The following GALNT13 variants were observed in gnomAD, a reference collection of about 807,000 sequenced individuals.
GALNT13 encodes the protein polypeptide N-acetylgalactosaminyltransferase 13.
A neutral mutation model predicts 64.2 loss-of-function variants in GALNT13; 28 were observed. The ratio of observed to expected loss-of-function variants is 0.44; its 90% CI spans 0.32 to 0.60. The LOEUF is 0.60. GALNT13 is among the 20% of genes least tolerant of loss of function. The pLI is 0.05. For synonymous variants in GALNT13, 214 were observed against 224.6 expected, an observed-to-expected ratio of 0.95 and a Z score of 0.42; for missense variants, 577 against 669.8, an observed-to-expected ratio of 0.86 and a Z score of 1.53.
intron 8 of GALNT13, among the ~76,000 whole-genome samples, chr2:154,282,755 T>C (rs1365480130): frequency 4.6e-5 from 7 of 152,200 alleles, no homozygotes; most frequent in Non-Finnish European, 8.8e-5. Flanking sequence ...TCAGGTGTGC[T>C]GAATCTCCCT....
At chr2:153,920,731 C>T (rs1278300769) in intron 2 of GALNT13, among the ~76,000 whole-genome samples, 1 of 152,060 alleles carries the variant, frequency 6.6e-6, no homozygotes, top group Admixed American at 6.6e-5. Context: ...GCAAGCTATG[C>T]ATCGAACAAA....
intron 3 of GALNT13, among the ~76,000 whole-genome samples, chr2:154,087,664 G>T (rs1488864978): frequency 1.3e-5 from 2 of 152,030 alleles, no homozygotes. Context: ...GAGAAAAATA[G>T]TATAAAATCA....
chr2:154,285,510 T>C (rs111517068), intron 8 of GALNT13, among the ~76,000 whole-genome samples: 2,920 of 152,232 alleles, frequency 0.019, 70 homozygotes, highest in African/African-American at 0.059. Flanking sequence ...GCCACCTCTG[T>C]TGAAAATCAA....
the GALNT13 span, among the ~76,000 whole-genome samples, chr2:153,793,995 C>T: frequency 8.5e-5 from 13 of 152,156 alleles, no homozygotes; most frequent in South Asian, 4.1e-4. Context: ...CCTCTTAGGG[C>T]GGACTACTTT....
At chr2:153,797,680 G>A in the GALNT13 span, among the ~76,000 whole-genome samples, 1 of 152,148 alleles carries the variant, frequency 6.6e-6, no homozygotes, top group African/African-American at 2.4e-5. Context: ...TGTGATGAGA[G>A]GCTGGTACTC....
the GALNT13 span, among the ~76,000 whole-genome samples, chr2:153,282,155 C>T: frequency 2.5e-3 from 376 of 151,890 alleles, 1 homozygote; most frequent in Middle Eastern, 0.014. Flanking sequence ...ATTCTTTCTT[C>T]TGCATGGTTC....
chr2:154,085,604 C>T (rs1193030385), intron 3 of GALNT13, among the ~76,000 whole-genome samples: 1 of 152,030 alleles, frequency 6.6e-6, no homozygotes, highest in African/African-American at 2.4e-5. Flanking sequence ...AATTGAATTT[C>T]AGGCAGGTTA....
At chr2:153,980,375 C>T (rs937302083) in intron 3 of GALNT13, among the ~76,000 whole-genome samples, 28 of 151,994 alleles carry the variant, frequency 1.8e-4, no homozygotes, top group African/African-American at 6.0e-4. Flanking sequence ...GAAGGAAGAC[C>T]CGTTAGGAGA....
At chr2:154,164,270 C>G (rs1001149370) in intron 4 of GALNT13, among the ~76,000 whole-genome samples, 1 of 151,998 alleles carries the variant, frequency 6.6e-6, no homozygotes, top group Non-Finnish European at 1.5e-5. Context: ...GGGTAAATTA[C>G]CATATAGATG....
the GALNT13 span, among the ~76,000 whole-genome samples, chr2:153,630,319 TA>T: frequency 1.3e-5 from 2 of 151,728 alleles, no homozygotes; most frequent in Non-Finnish European, 2.9e-5. Flanking sequence ...TATGCAGCCA[TA>T]AAAAATGATG....
chr2:153,666,156 C>T, the GALNT13 span, among the ~76,000 whole-genome samples: 4 of 152,072 alleles, frequency 2.6e-5, no homozygotes, highest in Non-Finnish European at 5.9e-5. Context: ...TTCTATAACT[C>T]CTTTATCAGC....
chr2:153,610,614 G>T, the GALNT13 span, among the ~76,000 whole-genome samples: 2 of 152,134 alleles, frequency 1.3e-5, no homozygotes, highest in Non-Finnish European at 2.9e-5. Flanking sequence ...GCTGGAGGTT[G>T]CAGTGAGCCA....
At chr2:153,365,095 A>G in the GALNT13 span, among the ~76,000 whole-genome samples, 3 of 152,208 alleles carry the variant, frequency 2.0e-5, no homozygotes, top group Admixed American at 2.0e-4. Flanking sequence ...CCACACATCT[A>G]CAACCATCTG....
chr2:154,194,598 C>T (rs1559017485), intron 4 of GALNT13, among the ~76,000 whole-genome samples: 1 of 152,058 alleles, frequency 6.6e-6, no homozygotes, highest in Non-Finnish European at 1.5e-5. Flanking sequence ...TTCCACTGCC[C>T]CTTTAGAGCA....
intron 2 of GALNT13, among the ~76,000 whole-genome samples, chr2:153,904,683 T>C (rs990074960): frequency 6.6e-6 from 1 of 151,896 alleles, no homozygotes; most frequent in Admixed American, 6.6e-5. Flanking sequence ...TTACACTAGA[T>C]TAAGAGCCTC....
the GALNT13 span, among the ~76,000 whole-genome samples, chr2:153,422,727 T>A: frequency 6.6e-6 from 1 of 152,004 alleles, no homozygotes; most frequent in African/African-American, 2.4e-5. Flanking sequence ...ATATATTTTT[T>A]AAGAAAAAAA....
the GALNT13 span, among the ~76,000 whole-genome samples, chr2:153,578,058 G>C: frequency 2.4e-4 from 36 of 152,066 alleles, no homozygotes; most frequent in Admixed American, 5.2e-4. Context: ...TGTGTCTTCA[G>C]AATCTTTTTT....
chr2:153,585,255 G>A, the GALNT13 span, among the ~76,000 whole-genome samples: 1 of 152,098 alleles, frequency 6.6e-6, no homozygotes, highest in Admixed American at 6.6e-5. Context: ...GAAATTCTGA[G>A]ACAGAAAAAT....
the GALNT13 span, among the ~76,000 whole-genome samples, chr2:153,634,257 T>G: frequency 6.6e-6 from 1 of 152,164 alleles, no homozygotes; most frequent in African/African-American, 2.4e-5. Context: ...TTAACCAAAT[T>G]AGAACTCTTA....
Sources: allele counts gnomAD v4.1 joint callset (sites outside exome capture counted in the v4.1 genomes callset), GRCh38; gene constraint gnomAD v4.1.1; transcripts MANE v1.5; gene names NCBI Gene and HGNC (gene_info 2026-07-23, HGNC 2026-07-21).